PPP1R13B: variants seen among roughly 807,000 people sequenced by gnomAD.
PPP1R13B encodes the protein apoptosis-stimulating of p53 protein 1.
PPP1R13B carries 44 observed loss-of-function variants against 119.8 expected under a neutral mutation model. The observed-to-expected ratio is 0.37, with a 90% CI of 0.29 to 0.47. The LOEUF (loss-of-function observed/expected upper bound fraction) is 0.47, where lower values mean the gene tolerates loss of function less well. Among genes scored for constraint, PPP1R13B ranks in the 20% least tolerant of loss-of-function variants. The pLI is 0.99. For synonymous variants in PPP1R13B, 542 were observed against 561.5 expected, an observed-to-expected ratio of 0.97 and a Z score of 0.49; for missense variants, 1,227 against 1,413.5, an observed-to-expected ratio of 0.87 and a Z score of 2.12.
At chr14:103,814,621 T>C (rs547759398) in intron 1 of PPP1R13B, among the ~76,000 whole-genome samples, 35 of 152,110 alleles carry the variant, frequency 2.3e-4, no homozygotes, top group African/African-American at 7.7e-4. Context: ...CCTAAGCAAC[T>C]TGACGAGACC....
At chr14:103,847,133 T>C (rs1304602123) in intron 1 of PPP1R13B, 166 bp downstream of exon 1, 1 of 977,178 alleles carries the variant, frequency 1.0e-6, no homozygotes, top group Non-Finnish European at 1.2e-6. Flanking sequence ...CGCCCCCACC[T>C]GCCCGCCTGG....
rs189146954 is a variant in PPP1R13B, at chr14:103,757,593, G to A, written c.456+57C>T. The stretch of plus-strand genomic sequence containing the variant: ...GAATATATTAACCCCAGTCTAAAAT[G>A]ATGGTTAAAGAAGGTACTTTTTGAA... On this transcript the variant is annotated intron_variant, in intron 5 of 16. Transcript: ENST00000202556. 8.7e-6 allele frequency: 13 copies of A among 1,489,948 alleles called. No homozygotes were observed. In the Admixed American group the frequency reaches 1.7e-4, roughly 20 times the overall value. The allele number at this position is 1,489,948 out of a possible 1,614,324, so 92.3% of individuals were successfully genotyped here. A position where few individuals can be genotyped will look rare whatever the true frequency, so the allele number is the denominator to read the frequency against.
chr14:103,744,201 A>C (rs2084331741), intron 9 of PPP1R13B, among the ~76,000 whole-genome samples: 1 of 152,226 alleles, frequency 6.6e-6, no homozygotes, highest in South Asian at 2.1e-4. Flanking sequence ...GTGGGGACTA[A>C]AAAGCAATTT....
In PPP1R13B at chr14:103,742,996, C is replaced by T. The variant is rs983075572; in HGVS notation, c.1151-173G>A. ...GCACAACTGCTGATCTCCTCCAGCA[C>T]CCACAGACCCGTGCACAAGACCAAG... On this transcript the variant is annotated intron_variant, in intron 9 of 16. Transcript: ENST00000202556. This position sits in a 1 kb window ranked among gnomAD's most constrained non-coding sequence, Gnocchi z 4.9. The T allele has an allele frequency of 8.3e-5, 57 of 688,682 alleles. No homozygotes were observed. Among genetic ancestry groups the T allele is most frequent in the African/African-American group, 7.9e-4 (44 of 55,398 alleles). 42.7% of individuals were successfully genotyped at this position (688,682 alleles called of 1,614,324 possible).
intron 1 of PPP1R13B, among the ~76,000 whole-genome samples, chr14:103,823,458 C>T (rs2086460527): frequency 6.6e-6 from 1 of 152,096 alleles, no homozygotes; most frequent in Non-Finnish European, 1.5e-5. Flanking sequence ...GAAGGGAGAA[C>T]AGTGTTCACA....
chr14:103,774,845 T>C (rs1223121216), intron 4 of PPP1R13B, among the ~76,000 whole-genome samples: 1 of 152,224 alleles, frequency 6.6e-6, no homozygotes, highest in Non-Finnish European at 1.5e-5. Flanking sequence ...TAACGTATTA[T>C]TAAGCTTAAA....
rs1286556220 is a variant in PPP1R13B at position 103,739,917 on chromosome 14, G to T, written c.2499C>A (p.Ile833=). The T allele has an allele frequency of 1.9e-6, 3 of 1,614,110 alleles. No individual in the cohort carries two copies. In the South Asian group the frequency reaches 3.3e-5, roughly 18 times the overall value. The change falls in exon 12 of 17, where the codon ATC becomes ATA. Residue 833 remains isoleucine, a synonymous_variant. Transcript: ENST00000202556. ...ATGGGGCCTCAGCCACAGGACTCGG[G>T]ATCTGCTCCGTGGTGGGGACCGTGG... The part of the protein sequence containing the change: ...NVATVPTTEQ[I]PSPVAEAPSP...
intron 8 of PPP1R13B, among the ~76,000 whole-genome samples, chr14:103,747,686 C>T (rs193169136): frequency 1.3e-5 from 2 of 152,274 alleles, no homozygotes; most frequent in African/African-American, 4.8e-5. Flanking sequence ...CCCGAGTCCC[C>T]AAAGTCAACT....
chr14:103,810,177 A>G (rs1368907950), intron 1 of PPP1R13B, among the ~76,000 whole-genome samples: 1 of 151,798 alleles, frequency 6.6e-6, no homozygotes, highest in Non-Finnish European at 1.5e-5. Flanking sequence ...TAATCCCAGC[A>G]CTTTCGGAGG....
chr14:103,746,419 C>G lies in PPP1R13B; in HGVS notation c.1104G>C (p.Gln368His). ...FPVLGDPIKP[Q>H]SLSIASNAAH... ...CAGCATTTGAGGCAATACTGAGAGA[C>G]TGGGGCTTTATAGGGTCCCCCAGCA... The change falls in exon 9 of 17, where the codon CAG becomes CAC. Residue 368 changes from glutamine (Q) to histidine (H), a missense_variant. Physicochemically the swap from Gln to His is conservative, Grantham distance 24. Transcript: ENST00000202556. 6.2e-7 allele frequency: 1 copy of G among 1,613,676 alleles called. No homozygotes were observed. The highest frequency in any genetic ancestry group is 8.5e-7 in the Non-Finnish European group (1 of 1,179,830).
At chr14:103,773,452 G>C (rs2085116167) in intron 4 of PPP1R13B, among the ~76,000 whole-genome samples, 1 of 152,076 alleles carries the variant, frequency 6.6e-6, no homozygotes, top group South Asian at 2.1e-4. Flanking sequence ...TGCTCACAAG[G>C]GAGGATTAAT....
intron 1 of PPP1R13B, among the ~76,000 whole-genome samples, chr14:103,816,669 C>CAAA (rs34539149): frequency 1.9e-5 from 2 of 105,182 alleles, no homozygotes; most frequent in African/African-American, 3.1e-5. Flanking sequence ...AACTCAGTCT[C>CAAA]AAAAAAAAAA....
At chr14:103,753,756 A>C (rs963140778) in intron 6 of PPP1R13B, among the ~76,000 whole-genome samples, 2 of 151,122 alleles carry the variant, frequency 1.3e-5, no homozygotes, top group African/African-American at 4.9e-5. Flanking sequence ...AGATCTTTTT[A>C]TTTTTTTTTG....
At chr14:103,827,995 T>C (rs1215085474) in intron 1 of PPP1R13B, among the ~76,000 whole-genome samples, 1 of 152,078 alleles carries the variant, frequency 6.6e-6, no homozygotes, top group Non-Finnish European at 1.5e-5. Flanking sequence ...TTTGTTCAAT[T>C]CCAGAGGCAA....
At chr14:103,824,951 T>G (rs1380057459) in intron 1 of PPP1R13B, among the ~76,000 whole-genome samples, 1 of 120,146 alleles carries the variant, frequency 8.3e-6, no homozygotes, top group African/African-American at 3.5e-5. Flanking sequence ...TATTGCATTT[T>G]TTTTAACAAA....
At chr14:103,799,039 G>T (rs1046878584) in intron 1 of PPP1R13B, among the ~76,000 whole-genome samples, 1 of 151,210 alleles carries the variant, frequency 6.6e-6, no homozygotes, top group African/African-American at 2.4e-5. Flanking sequence ...CCACTCTGTC[G>T]CCCAGGCTGG....
chr14:103,778,817 G>A lies in PPP1R13B; in HGVS notation c.282C>T (p.Gly94=). The A allele has an allele frequency of 1.2e-6, 2 of 1,613,240 alleles. No individual in the cohort carries two copies. The highest frequency in any genetic ancestry group is 1.7e-6 in the Non-Finnish European group (2 of 1,179,390). The part of the protein sequence containing the change: ...DSPTENSEQG[G]RQTQEQRTQR... ...GAGTTCGTTGCTCTTGGGTCTGACG[G>A]CCACCTAAAGAAATAAAAGAACCAA... The change falls in exon 4 of 17, where the codon GGC becomes GGT. Residue 94 remains glycine, a synonymous_variant. Coordinates refer to ENST00000202556, the MANE Select transcript of PPP1R13B (RefSeq NM_015316.3).
chr14:103,756,504 T>C (rs568637694), intron 5 of PPP1R13B, among the ~76,000 whole-genome samples: 58 of 152,312 alleles, frequency 3.8e-4, no homozygotes, highest in Admixed American at 7.8e-4. Flanking sequence ...AGATTCGAGT[T>C]TCAATAACCA....
chr14:103,739,502 G>A (rs529673479), intron 12 of PPP1R13B, among the ~76,000 whole-genome samples: 1 of 152,300 alleles, frequency 6.6e-6, no homozygotes, highest in South Asian at 2.1e-4. Context: ...CCTTTGTCTA[G>A]ATGCTTCTTC....
Sources: gnomAD v4.1 joint callset for allele counts (sites outside exome capture counted in the v4.1 genomes callset) on GRCh38, gnomAD v4.1.1 for gene constraint, Gnocchi (gnomAD v3.1) non-coding constraint, MANE v1.5 for transcripts, NCBI Gene and HGNC (gene_info 2026-07-23, HGNC 2026-07-21) for gene names.